TBC1D5: variants seen among roughly 807,000 people sequenced by gnomAD.
The protein encoded by TBC1D5 is TBC1 domain family member 5.
TBC1D5 carries 75 observed loss-of-function variants against 100.3 expected under a neutral mutation model. The ratio of observed to expected loss-of-function variants is 0.75; its 90% CI spans 0.62 to 0.91. The LOEUF is 0.91. Among genes scored for constraint, TBC1D5 ranks in the 40% least tolerant of loss-of-function variants. The pLI is 0.00. For missense variants in TBC1D5, 910 were observed against 942.4 expected (o/e 0.97, Z 0.45); for synonymous variants, 323 against 325.6 (o/e 0.99, Z 0.09).
intron 3 of TBC1D5, among the ~76,000 whole-genome samples, chr3:17,455,292 ATATG>A (rs987674300): frequency 5.5e-5 from 8 of 146,630 alleles, no homozygotes; most frequent in African/African-American, 1.0e-4. Context: ...ATATATGTAT[ATATG>A]TATGTATATA....
In TBC1D5 at chr3:17,470,182, C is replaced by G. The variant is rs376958428; in HGVS notation, c.97+38292G>C. ...TACTAGTTTTTCCCCTTAGTCAAGA[C>G]CAGTGACTATTTTTAGGCTGTCCTA... On this transcript the variant is annotated intron_variant, in intron 3 of 21. Coordinates refer to ENST00000253692, the Ensembl canonical transcript of TBC1D5. Among the ~76,000 whole-genome samples the G allele has an allele frequency of 7.9e-5, 12 of 152,318 alleles. No individual in the cohort carries two copies. In the East Asian group the frequency reaches 2.1e-3, roughly 27 times the overall value.
chr3:17,469,836 G>A (rs540080407), intron 3 of TBC1D5, among the ~76,000 whole-genome samples: 1 of 152,286 alleles, frequency 6.6e-6, no homozygotes, highest in Non-Finnish European at 1.5e-5. Flanking sequence ...ACGATGACCC[G>A]ATCTTCCAAA....
intron 1 of TBC1D5, among the ~76,000 whole-genome samples, chr3:17,691,118 G>A (rs571624512): frequency 9.9e-5 from 15 of 152,266 alleles, no homozygotes; most frequent in African/African-American, 3.4e-4. Context: ...ACAAGGCTTA[G>A]GAAACAAGAT....
At chr3:17,589,352 T>C (rs1192635232) in intron 2 of TBC1D5, among the ~76,000 whole-genome samples, 5 of 152,206 alleles carry the variant, frequency 3.3e-5, no homozygotes, top group East Asian at 1.9e-4. Flanking sequence ...CTTTATGGTA[T>C]GGTTTGGCTG....
chr3:17,404,897 G>C, exon 6 of TBC1D5: 1 of 1,596,964 alleles, frequency 6.3e-7, no homozygotes, highest in South Asian at 1.1e-5. Flanking sequence ...GCTATACCAT[G>C]CTCTTAATTC....
chr3:17,679,180 T>A (rs1298917459), intron 1 of TBC1D5, among the ~76,000 whole-genome samples: 2 of 151,072 alleles, frequency 1.3e-5, no homozygotes, highest in Admixed American at 6.6e-5. Context: ...GTGACTACTA[T>A]CTATCCCAGA....
chr3:17,369,912 A>T (rs191866362), intron 13 of TBC1D5, among the ~76,000 whole-genome samples: 18 of 152,322 alleles, frequency 1.2e-4, no homozygotes, highest in Admixed American at 1.0e-3. Flanking sequence ...AAAAAATAAT[A>T]CAGATGAGAT....
chr3:17,337,666 TTAAA>T (rs1351737098), intron 13 of TBC1D5: 6 of 152,174 alleles, frequency 3.9e-5, no homozygotes, highest in Non-Finnish European at 8.8e-5. Flanking sequence ...AACCTGAAGT[TTAAA>T]TAAAGAACAC....
At chr3:17,727,756 A>T (rs1292367123) in intron 1 of TBC1D5, among the ~76,000 whole-genome samples, 1 of 152,242 alleles carries the variant, frequency 6.6e-6, no homozygotes, top group Non-Finnish European at 1.5e-5. Flanking sequence ...CATGCTCTTT[A>T]AACTGTTCCA....
At chr3:17,512,605 A>T (rs1300719818) in intron 2 of TBC1D5, among the ~76,000 whole-genome samples, 1 of 152,196 alleles carries the variant, frequency 6.6e-6, no homozygotes, top group Non-Finnish European at 1.5e-5. Flanking sequence ...ATGCCTGAAG[A>T]ATTATTTTAA....
rs150196752 is a variant in TBC1D5 at position 17,538,692 on chromosome 3, A to C, written c.-35-30087T>G. ...CCCATAAAGATTCACCACTGCTAACAGGTGGATTCAAAGATTTTCCAATTG... is the reference window on the plus strand; with the variant it reads ...CCCATAAAGATTCACCACTGCTAACCGGTGGATTCAAAGATTTTCCAATTG... On this transcript the variant is annotated intron_variant, in intron 2 of 21. Coordinates refer to ENST00000253692, the Ensembl canonical transcript of TBC1D5. Among the ~76,000 whole-genome samples the C allele has an allele frequency of 1.4e-3, 220 of 152,332 alleles. 1 individual carries two copies. The highest frequency in any genetic ancestry group is 4.9e-3 in the African/African-American group (205 of 41,576).
intron 17 of TBC1D5, among the ~76,000 whole-genome samples, chr3:17,230,205 T>C (rs2075294216): frequency 6.6e-6 from 1 of 152,146 alleles, no homozygotes; most frequent in Non-Finnish European, 1.5e-5. Context: ...CATTATTCTG[T>C]CCTACTCTGG....
intron 2 of TBC1D5, among the ~76,000 whole-genome samples, chr3:17,559,878 C>T (rs188837515): frequency 8.9e-4 from 135 of 151,780 alleles, no homozygotes; most frequent in African/African-American, 3.2e-3. Flanking sequence ...CGTGAGCCAC[C>T]GCGCCCGGCC....
intron 15 of TBC1D5, among the ~76,000 whole-genome samples, chr3:17,263,326 A>G (rs1394464461): frequency 7.0e-6 from 1 of 143,252 alleles, no homozygotes; most frequent in Non-Finnish European, 1.5e-5. Context: ...AGATTGTGTC[A>G]CTGCACTCCA....
At chr3:17,532,992 T>TAAAAAATTAA (rs2096246855) in intron 2 of TBC1D5, among the ~76,000 whole-genome samples, 1 of 140,838 alleles carries the variant, frequency 7.1e-6, no homozygotes, top group African/African-American at 2.6e-5. Flanking sequence ...ATAATAAAAT[T>TAAAAAATTAA]AAAAAAAAAA....
chr3:17,729,089 G>A (rs1002411730), intron 1 of TBC1D5, among the ~76,000 whole-genome samples: 17 of 103,188 alleles, frequency 1.6e-4, no homozygotes, highest in Non-Finnish European at 1.5e-4. Context: ...AATAAAGAAA[G>A]AAAAATAAAA....
At chr3:17,508,529 T>G in exon 3 of TBC1D5, 2 of 1,613,782 alleles carry the variant, frequency 1.2e-6, no homozygotes, top group Non-Finnish European at 1.7e-6. Flanking sequence ...CTTGTTCTTC[T>G]GGCTGCAGAG....
At chr3:17,516,502 C>T (rs1317001326) in intron 2 of TBC1D5, among the ~76,000 whole-genome samples, 1 of 152,170 alleles carries the variant, frequency 6.6e-6, no homozygotes, top group East Asian at 1.9e-4. Context: ...AATAATGTTA[C>T]AGCAGAAATT....
chr3:17,495,154 G>A (rs776901802), intron 3 of TBC1D5, among the ~76,000 whole-genome samples: 8 of 152,148 alleles, frequency 5.3e-5, no homozygotes, highest in South Asian at 4.1e-4. Flanking sequence ...GGATTTAGCC[G>A]CCACTTTTGT....
Sources: gnomAD v4.1 joint callset for allele counts (sites outside exome capture counted in the v4.1 genomes callset) on GRCh38, gnomAD v4.1.1 for gene constraint, MANE v1.5 for transcripts, NCBI Gene and HGNC (gene_info 2026-07-23, HGNC 2026-07-21) for gene names.